The following GPC6 variants were observed in gnomAD, a reference collection of about 807,000 sequenced individuals.
The protein encoded by GPC6 is glypican 6, also known as glypican-6.
In GPC6, 14 loss-of-function variants were observed where a neutral mutation model predicts 55.2. The ratio of observed to expected loss-of-function variants is 0.25; its 90% CI spans 0.17 to 0.40. The LOEUF (loss-of-function observed/expected upper bound fraction) is 0.40, where lower values mean the gene tolerates loss of function less well. Among genes scored for constraint, GPC6 ranks in the 10% least tolerant of loss-of-function variants. The probability of loss-of-function intolerance (pLI) is 1.00; values close to 1 mark genes in which losing one functional copy is unlikely to be tolerated. For missense variants in GPC6, 641 were observed against 708.5 expected, an observed-to-expected ratio of 0.90 and a Z score of 1.08; for synonymous variants, 278 against 259.6, an observed-to-expected ratio of 1.07 and a Z score of -0.68.
chr13:93,439,376 G>A lies in GPC6; in HGVS notation c.161-105887G>A, dbSNP rs146533646. Among the ~76,000 whole-genome samples the A allele has an allele frequency of 7.8e-4, 119 of 152,204 alleles. 2 individuals carry two copies. The highest frequency in any genetic ancestry group is 2.6e-3 in the African/African-American group (110 of 41,526). ...TGAATCATGGGAGTTCTCATGTGCT[G>A]TTCTCATGATAGTGAATAAGTCTCA... On this transcript the variant is annotated intron_variant, in intron 1 of 8. Coordinates refer to ENST00000377047, the MANE Select transcript of GPC6 (RefSeq NM_005708.5).
intron 2 of GPC6, among the ~76,000 whole-genome samples, chr13:93,662,226 G>A (rs1880953999): frequency 6.6e-6 from 1 of 152,120 alleles, no homozygotes; most frequent in African/African-American, 2.4e-5. Flanking sequence ...GGCATTTGAT[G>A]TTATTTCTTG....
intron 1 of GPC6, among the ~76,000 whole-genome samples, chr13:93,304,445 A>G (rs1878788897): frequency 6.6e-6 from 1 of 152,146 alleles, no homozygotes; most frequent in African/African-American, 2.4e-5. Flanking sequence ...AGTTCTGGAA[A>G]ATCTCTAGAA....
intron 2 of GPC6, among the ~76,000 whole-genome samples, chr13:93,644,802 AT>A (rs1323729849): frequency 3.3e-5 from 5 of 151,302 alleles, no homozygotes; most frequent in Admixed American, 3.3e-4. Context: ...AAATAAATAA[AT>A]AAATAAATGG....
rs115051057 is a variant in GPC6, at chr13:93,282,311, G to A, written c.160+54695G>A. Among the ~76,000 whole-genome samples, 502 of 152,190 alleles carry A rather than the reference G, an allele frequency of 3.3e-3. 3 individuals are homozygous for A. The highest frequency in any genetic ancestry group is 0.011 in the African/African-American group (457 of 41,506). ...GACTATTTTGCTAAAATTGTCCTTA[G>A]CATGGAGAAAGGTCCTTATCTAAGG... is the stretch of plus-strand genomic sequence containing the variant. On this transcript the variant is annotated intron_variant, in intron 1 of 8. Transcript: ENST00000377047.
intron 3 of GPC6, among the ~76,000 whole-genome samples, chr13:93,885,976 G>A (rs143571133): frequency 2.0e-4 from 30 of 152,086 alleles, no homozygotes; most frequent in African/African-American, 7.2e-4. Flanking sequence ...TGTAGAGAAG[G>A]CACTGTGTTT....
intron 3 of GPC6, among the ~76,000 whole-genome samples, chr13:93,844,591 G>A (rs1888100026): frequency 6.7e-6 from 1 of 150,028 alleles, no homozygotes; most frequent in African/African-American, 2.5e-5. Context: ...CCATGTTGTA[G>A]GTTGCCTGTT....
At chr13:93,702,731 T>G (rs561504066) in intron 2 of GPC6, among the ~76,000 whole-genome samples, 1 of 152,038 alleles carries the variant, frequency 6.6e-6, no homozygotes, top group Non-Finnish European at 1.5e-5. Context: ...AGTTTTCTGA[T>G]AGTGGAGACA....
intron 4 of GPC6, among the ~76,000 whole-genome samples, chr13:94,102,376 T>G (rs1039174797): frequency 1.3e-5 from 2 of 152,140 alleles, no homozygotes; most frequent in African/African-American, 2.4e-5. Flanking sequence ...TGCCTAGCCC[T>G]GTAACCTTAT....
Position 94,406,531 on chromosome 13 carries a change from A to G in GPC6, c.*3314A>G, listed in dbSNP as rs1481756776. The G allele has an allele frequency of 6.6e-6, 1 of 152,198 alleles. No homozygotes were observed. The highest frequency in any genetic ancestry group is 2.1e-4 in the South Asian group (1 of 4,834). 9.4% of individuals were successfully genotyped at this position (152,198 alleles called of 1,614,324 possible). On this transcript the variant is annotated 3_prime_UTR_variant, in exon 9 of 9. Coordinates refer to ENST00000377047, the MANE Select transcript of GPC6 (RefSeq NM_005708.5). ...GCTTTAAATGTAAGGGATAGAAAAT[A>G]CTATTTTGTCTACACTGAAAAACAT...
chr13:93,407,541 T>G (rs1041022930), intron 1 of GPC6, among the ~76,000 whole-genome samples: 2 of 152,180 alleles, frequency 1.3e-5, no homozygotes, highest in African/African-American at 4.8e-5. Flanking sequence ...CACATTTTCT[T>G]TACTTACAGG....
At chr13:93,279,599 A>G (rs1004965550) in intron 1 of GPC6, among the ~76,000 whole-genome samples, 3 of 152,194 alleles carry the variant, frequency 2.0e-5, no homozygotes, top group South Asian at 2.1e-4. Flanking sequence ...AATATCCTCT[A>G]GGTTAAAGAA....
At chr13:93,465,579 T>C (rs993211852) in intron 1 of GPC6, among the ~76,000 whole-genome samples, 2 of 152,184 alleles carry the variant, frequency 1.3e-5, no homozygotes, top group Non-Finnish European at 2.9e-5. Context: ...TGAAGGGAGT[T>C]AGGGCCTAAT....
chr13:94,238,588 C>T (rs181442103), intron 4 of GPC6, among the ~76,000 whole-genome samples: 198 of 152,214 alleles, frequency 1.3e-3, no homozygotes, highest in African/African-American at 3.1e-3. Context: ...GGATAAGTCC[C>T]TGAATTTAAC....
At chr13:94,126,871 C>T (rs1886836964) in intron 4 of GPC6, among the ~76,000 whole-genome samples, 1 of 152,138 alleles carries the variant, frequency 6.6e-6, no homozygotes, top group African/African-American at 2.4e-5. Context: ...AAATTGCCTT[C>T]AGGCAGCCAT....
At chr13:93,698,934 T>C (rs1038972077) in intron 2 of GPC6, among the ~76,000 whole-genome samples, 3 of 150,228 alleles carry the variant, frequency 2.0e-5, no homozygotes, top group African/African-American at 5.0e-5. Context: ...GGGTGGCTTC[T>C]GTTATATTAT....
chr13:94,046,928 C>T (rs962330950), intron 4 of GPC6, among the ~76,000 whole-genome samples: 3 of 152,046 alleles, frequency 2.0e-5, no homozygotes, highest in African/African-American at 4.8e-5. Context: ...AACTATAGTT[C>T]GCCACTACTG....
intron 3 of GPC6, among the ~76,000 whole-genome samples, chr13:93,893,530 A>G (rs1875817354): frequency 6.6e-6 from 1 of 152,192 alleles, no homozygotes; most frequent in Non-Finnish European, 1.5e-5. Flanking sequence ...GCCACGTGCC[A>G]GCCAACAAGG....
chr13:94,200,651 T>C (rs1284597038), intron 4 of GPC6, among the ~76,000 whole-genome samples: 1 of 152,164 alleles, frequency 6.6e-6, no homozygotes, highest in Non-Finnish European at 1.5e-5. Flanking sequence ...AAAAAGACTT[T>C]AGGGACATGA....
chr13:93,388,025 A>G (rs1863888173), intron 1 of GPC6, among the ~76,000 whole-genome samples: 1 of 152,200 alleles, frequency 6.6e-6, no homozygotes, highest in African/African-American at 2.4e-5. Flanking sequence ...GAATTCTGCC[A>G]AAATTCCATC....
Sources: gnomAD v4.1 joint callset for allele counts (sites outside exome capture counted in the v4.1 genomes callset) on GRCh38, gnomAD v4.1.1 for gene constraint, MANE v1.5 for transcripts, NCBI Gene and HGNC (gene_info 2026-07-23, HGNC 2026-07-21) for gene names.